The following SPOP variants were observed in gnomAD, a reference collection of about 807,000 sequenced individuals.
The protein encoded by SPOP is speckle-type POZ protein.
Under a neutral mutation model 45.6 loss-of-function variants are expected in SPOP, and 11 were observed. That is an observed-to-expected ratio of 0.24 (90% CI 0.15 to 0.40). The LOEUF is 0.40. Ranked by LOEUF, SPOP falls within the 10% of genes least tolerant of loss-of-function variation. The probability of loss-of-function intolerance (pLI) is 1.00; values close to 1 mark genes in which losing one functional copy is unlikely to be tolerated. For missense variants in SPOP, 152 were observed against 465.6 expected, an observed-to-expected ratio of 0.33 and a Z score of 6.20; for synonymous variants, 166 against 166.3, an observed-to-expected ratio of 1.00 and a Z score of 0.01.
At chr17:49,621,901 GACA>G (rs1567779647) in intron 3 of SPOP, 42 bp downstream of exon 3, 1 of 1,603,562 alleles carries the variant, frequency 6.2e-7, no homozygotes, top group East Asian at 2.2e-5. Flanking sequence ...AAACAAAACA[GACA>G]ACTTCAGAAA....
At chr17:49,635,631 TC>T (rs757055246) in intron 1 of SPOP, among the ~76,000 whole-genome samples, 5 of 132,890 alleles carry the variant, frequency 3.8e-5, no homozygotes, top group Admixed American at 2.4e-4. Context: ...AAGGTATCTC[TC>T]TTTTTTTTTT....
intron 1 of SPOP, among the ~76,000 whole-genome samples, chr17:49,638,752 A>C (rs2072591278): frequency 2.0e-5 from 3 of 152,216 alleles, no homozygotes; most frequent in African/African-American, 7.2e-5. Context: ...GACTGATGCT[A>C]AAACAGGGCA....
chr17:49,630,286 G>A (rs1489615062), intron 1 of SPOP, among the ~76,000 whole-genome samples: 1 of 152,140 alleles, frequency 6.6e-6, no homozygotes, highest in African/African-American at 2.4e-5. Context: ...GTTACAGTGT[G>A]CTCAATCATA....
At position 49,671,982 on chromosome 17, in the gene SPOP, T is replaced by C. The variant is rs150743031; in HGVS notation, c.-67+5951A>G. 3.0e-4 allele frequency among the ~76,000 whole-genome samples: 45 copies of C among 152,040 alleles called. No individual in the cohort carries two copies. In the East Asian group the frequency reaches 8.3e-3, roughly 28 times the overall value. On this transcript the variant is annotated intron_variant, in intron 1 of 9. Transcript: ENST00000504102. ...GGTGAAACCCCATCTCTACTAAAAA[T>C]ACAAAAAATTAGCCGAGCGTTGTGG...
intron 1 of SPOP, among the ~76,000 whole-genome samples, chr17:49,655,381 G>C (rs1413248939): frequency 6.6e-6 from 1 of 151,872 alleles, no homozygotes; most frequent in Non-Finnish European, 1.5e-5. Context: ...CGTGGTGGCG[G>C]GCACCTGTAG....
intron 1 of SPOP, among the ~76,000 whole-genome samples, chr17:49,645,914 C>T (rs2072750603): frequency 6.6e-6 from 1 of 151,604 alleles, no homozygotes; most frequent in Admixed American, 6.6e-5. Flanking sequence ...CCAACAGTTG[C>T]TTTCAACTGC....
intron 1 of SPOP, among the ~76,000 whole-genome samples, chr17:49,662,668 CAG>C (rs773941922): frequency 6.0e-5 from 9 of 149,556 alleles, no homozygotes; most frequent in South Asian, 2.1e-4. Context: ...GCCTGGGCGA[CAG>C]GGGGAGACTC....
chr17:49,602,094 A>T (rs2071750506), intron 8 of SPOP, 87 bp from the exon 9 acceptor site: 1 of 1,468,764 alleles, frequency 6.8e-7, no homozygotes, highest in South Asian at 1.2e-5. Flanking sequence ...CTGTACCATC[A>T]TATTAACTAG....
intron 6 of SPOP, among the ~76,000 whole-genome samples, chr17:49,611,034 A>G (rs1166335019): frequency 1.3e-5 from 2 of 152,148 alleles, no homozygotes; most frequent in Non-Finnish European, 2.9e-5. Context: ...ATACCTTTGT[A>G]CATCATCATC....
chr17:49,627,824 A>G (rs2072368074), intron 1 of SPOP, among the ~76,000 whole-genome samples: 1 of 152,050 alleles, frequency 6.6e-6, no homozygotes, highest in African/African-American at 2.4e-5. Context: ...CCCTTCTTCT[A>G]ATTTTTAAAA....
intron 2 of SPOP, 159 bp from the exon 3 acceptor site, chr17:49,622,226 T>C: frequency 2.2e-6 from 2 of 911,638 alleles, no homozygotes; most frequent in Non-Finnish European, 1.7e-6. Context: ...TCATCCACAT[T>C]TTAAGAAATC....
chr17:49,626,595 T>C (rs1226691156), intron 1 of SPOP, among the ~76,000 whole-genome samples: 1 of 151,944 alleles, frequency 6.6e-6, no homozygotes, highest in African/African-American at 2.4e-5. Flanking sequence ...CTTGGGAGGT[T>C]GAGACAGAGA....
intron 1 of SPOP, among the ~76,000 whole-genome samples, chr17:49,665,150 T>G (rs1010689602): frequency 6.6e-6 from 1 of 152,160 alleles, no homozygotes; most frequent in African/African-American, 2.4e-5. Flanking sequence ...TTTGAAGATA[T>G]CCCTATATAA....
At chr17:49,623,619 G>A (rs1402591452) in intron 1 of SPOP, among the ~76,000 whole-genome samples, 1 of 152,072 alleles carries the variant, frequency 6.6e-6, no homozygotes, top group East Asian at 1.9e-4. Context: ...GCAAACTTAA[G>A]GAATCTTCTA....
chr17:49,669,347 G>A (rs1013044932), intron 1 of SPOP, among the ~76,000 whole-genome samples: 27 of 149,786 alleles, frequency 1.8e-4, no homozygotes, highest in Non-Finnish European at 3.3e-4. Flanking sequence ...GATTACAGGC[G>A]TGAGCCACCA....
intron 1 of SPOP, among the ~76,000 whole-genome samples, chr17:49,626,437 G>A (rs1489058706): frequency 6.6e-6 from 1 of 152,214 alleles, no homozygotes; most frequent in Non-Finnish European, 1.5e-5. Context: ...GCTTATGCCT[G>A]TAATCCCAGC....
At chr17:49,625,605 T>C (rs913669479) in intron 1 of SPOP, among the ~76,000 whole-genome samples, 3 of 152,058 alleles carry the variant, frequency 2.0e-5, no homozygotes, top group Middle Eastern at 3.4e-3. Flanking sequence ...CGAAGCTCCA[T>C]CTCAAAAAAT....
Position 49,621,926 on chromosome 17 carries a change from T to C in SPOP, c.200+20A>G, listed in dbSNP as rs750276808. On this transcript the variant is annotated intron_variant, in intron 3 of 9. Transcript: ENST00000504102. ...GACAACTTCAGAAAAATTTTTACAG[T>C]TAGACGTATTCTTCCTCACCATTTC... 1 of 1,611,646 alleles carries C rather than the reference T, an allele frequency of 6.2e-7. No individual in the cohort carries two copies. The highest frequency in any genetic ancestry group is 8.5e-7 in the Non-Finnish European group (1 of 1,178,506).
At chr17:49,629,236 T>C (rs1025215973) in intron 1 of SPOP, among the ~76,000 whole-genome samples, 4 of 151,280 alleles carry the variant, frequency 2.6e-5, no homozygotes, top group Non-Finnish European at 5.9e-5. Context: ...CAAGACTCTA[T>C]CTCAAAAAAA....
Sources: gnomAD v4.1 joint callset for allele counts (sites outside exome capture counted in the v4.1 genomes callset) on GRCh38, gnomAD v4.1.1 for gene constraint, MANE v1.5 for transcripts, NCBI Gene and HGNC (gene_info 2026-07-23, HGNC 2026-07-21) for gene names.